The following GALNT2 variants were observed in gnomAD, a reference collection of about 807,000 sequenced individuals.
GALNT2 encodes UDP-GalNAc:polypeptide N-acetylgalactosaminyltransferase 2.
GALNT2 carries 31 observed loss-of-function variants against 81.4 expected under a neutral mutation model. The ratio of observed to expected loss-of-function variants is 0.38; its 90% CI spans 0.29 to 0.51. The LOEUF (loss-of-function observed/expected upper bound fraction) is 0.51, where lower values mean the gene tolerates loss of function less well. Ranked by LOEUF, GALNT2 falls within the 20% of genes least tolerant of loss-of-function variation. GALNT2 has a pLI of 0.87. For missense variants in GALNT2, 629 were observed against 765.7 expected (o/e 0.82, Z 2.11); for synonymous variants, 303 against 287.4 (o/e 1.05, Z -0.55).
At chr1:230,247,502 A>C (rs1665410479) in intron 8 of GALNT2, among the ~76,000 whole-genome samples, 1 of 152,208 alleles carries the variant, frequency 6.6e-6, no homozygotes, top group South Asian at 2.1e-4. Flanking sequence ...GGGAAACATA[A>C]CATTCAGGAA....
At chr1:230,083,406 C>T (rs550692739) in intron 1 of GALNT2, among the ~76,000 whole-genome samples, 11 of 140,626 alleles carry the variant, frequency 7.8e-5, no homozygotes, top group Admixed American at 3.6e-4. Flanking sequence ...GAGCAGGGAG[C>T]GGGATGATGG....
chr1:230,058,450 A>G (rs899707046), intron 1 of GALNT2, among the ~76,000 whole-genome samples: 2 of 152,096 alleles, frequency 1.3e-5, no homozygotes, highest in African/African-American at 4.8e-5. Flanking sequence ...GTCCTGCCTA[A>G]TGGGAAGATT....
At chr1:230,112,386 G>GC (rs941676098) in intron 1 of GALNT2, among the ~76,000 whole-genome samples, 1 of 151,140 alleles carries the variant, frequency 6.6e-6, no homozygotes, top group African/African-American at 2.4e-5. Context: ...CCGGGGGAGG[G>GC]GGGGGGCCTG....
chr1:230,058,057 C>G (rs751902548), exon 1 of GALNT2: 5 of 456,112 alleles, frequency 1.1e-5, no homozygotes, highest in Admixed American at 2.3e-5. Flanking sequence ...GCAAGGTGCC[C>G]GTAGCCCCTA....
At chr1:230,119,738 G>A (rs1365416150) in intron 1 of GALNT2, among the ~76,000 whole-genome samples, 2 of 152,112 alleles carry the variant, frequency 1.3e-5, no homozygotes, top group African/African-American at 2.4e-5. Context: ...TCTAGTCAGT[G>A]GTAACCAGAT....
intron 6 of GALNT2, among the ~76,000 whole-genome samples, chr1:230,238,089 C>T (rs1432443191): frequency 1.3e-5 from 2 of 152,202 alleles, no homozygotes; most frequent in African/African-American, 4.8e-5. Context: ...CTATATGGAA[C>T]AGCTGAAGTC....
Position 230,252,051 on chromosome 1 carries a change from G to A in GALNT2, c.1009+1491G>A, listed in dbSNP as rs75035095. 8.6e-4 allele frequency among the ~76,000 whole-genome samples: 131 copies of A among 152,284 alleles called. 2 individuals carry two copies. The East Asian group carries it at 0.021, about 24-fold the overall frequency. Reference sequence around the variant, plus strand: ...GCACATCTCTGCCCAGGAAGGCTGGGGCATCTGTCCCTCCGTGAGGGGCTC... The same window carrying A: ...GCACATCTCTGCCCAGGAAGGCTGGAGCATCTGTCCCTCCGTGAGGGGCTC... On this transcript the variant is annotated intron_variant, in intron 10 of 15. Transcript: ENST00000366672.
intron 1 of GALNT2, among the ~76,000 whole-genome samples, chr1:230,109,606 T>G (rs553994071): frequency 6.6e-6 from 1 of 152,160 alleles, no homozygotes; most frequent in Non-Finnish European, 1.5e-5. Context: ...GGCAGGTGGA[T>G]CACCTGAGGT....
At chr1:230,266,751 G>C (rs1289657232) in intron 14 of GALNT2, among the ~76,000 whole-genome samples, 2 of 152,174 alleles carry the variant, frequency 1.3e-5, no homozygotes, top group African/African-American at 4.8e-5. Context: ...GCCTGGCCCT[G>C]GTTCCCCTAA....
chr1:230,244,063 TTTTC>T (rs1197353250), intron 7 of GALNT2, among the ~76,000 whole-genome samples: 1 of 151,654 alleles, frequency 6.6e-6, no homozygotes, highest in East Asian at 2.0e-4. Flanking sequence ...TTTTATTGAC[TTTTC>T]TTTCCTTCCT....
chr1:230,198,823 C>T (rs966991347), intron 2 of GALNT2, among the ~76,000 whole-genome samples: 1 of 152,180 alleles, frequency 6.6e-6, no homozygotes, highest in African/African-American at 2.4e-5. Flanking sequence ...AAAGAAATTT[C>T]CTCAAAAATA....
chr1:230,236,654 T>A lies in GALNT2; in HGVS notation c.542-6T>A. The A allele has an allele frequency of 6.2e-7, 1 of 1,608,944 alleles. No individual in the cohort carries two copies. The highest frequency in any genetic ancestry group is 8.5e-7 in the Non-Finnish European group (1 of 1,178,792). On this transcript the variant is annotated splice_polypyrimidine_tract_variant and splice_region_variant and intron_variant, in intron 5 of 15. Coordinates refer to ENST00000366672, the MANE Select transcript of GALNT2 (RefSeq NM_004481.5). ...TCAAAATGCTCTGCTTCTTTTCTTT[T>A]CCTAGCTGAGGACGGGGCTCTCTTG...
chr1:230,262,839 T>G (rs1665919979), intron 12 of GALNT2, 83 bp from the exon 13 acceptor site: 18 of 1,433,878 alleles, frequency 1.3e-5, no homozygotes, highest in Non-Finnish European at 1.7e-5. Flanking sequence ...AACCCTGTTC[T>G]CCTCAGCAGA....
upstream of GALNT2, among the ~76,000 whole-genome samples, chr1:230,064,645 C>A (rs1195915534): frequency 1.3e-5 from 2 of 152,184 alleles, no homozygotes; most frequent in East Asian, 1.9e-4. Flanking sequence ...CTCAGCCTCT[C>A]GAGTAGCTGC....
chr1:230,135,148 C>T (rs61825399), intron 1 of GALNT2, among the ~76,000 whole-genome samples: 20,989 of 151,844 alleles, frequency 0.14, 1,501 homozygotes, highest in South Asian at 0.23. Context: ...TCAGAGATGT[C>T]GGAACAGGAA....
At chr1:230,166,572 C>A (rs973102391) in intron 1 of GALNT2, among the ~76,000 whole-genome samples, 1 of 152,234 alleles carries the variant, frequency 6.6e-6, no homozygotes, top group African/African-American at 2.4e-5. Flanking sequence ...CAGTGGACTC[C>A]GGGGATTCAG....
rs750411933 is a variant in GALNT2, at chr1:230,081,900, C to T, written c.126+14494C>T. The stretch of plus-strand genomic sequence containing the variant: ...GGAGTAGCTGTGGGACATTGGCTTG[C>T]GTTTCCTTGTCTGGAAAAGAGAGTT... On this transcript the variant is annotated intron_variant, in intron 1 of 15. Transcript: ENST00000366672. Among the ~76,000 whole-genome samples the T allele has an allele frequency of 8.5e-5, 13 of 152,162 alleles. No individual in the cohort carries two copies. The South Asian group carries it at 2.3e-3, about 27-fold the overall frequency.
intron 15 of GALNT2, among the ~76,000 whole-genome samples, chr1:230,277,437 T>C (rs1323863346): frequency 1.3e-5 from 2 of 152,232 alleles, no homozygotes; most frequent in Admixed American, 6.5e-5. Flanking sequence ...CCGAATTCTT[T>C]GTTGAGAAGA....
At chr1:230,082,519 C>T (rs1419532363) in intron 1 of GALNT2, among the ~76,000 whole-genome samples, 1 of 152,254 alleles carries the variant, frequency 6.6e-6, no homozygotes, top group Admixed American at 6.5e-5. Flanking sequence ...GCCATTCCTC[C>T]TGCAGCCGAC....
Sources: allele counts gnomAD v4.1 joint callset (sites outside exome capture counted in the v4.1 genomes callset), GRCh38; gene constraint gnomAD v4.1.1; transcripts MANE v1.5; gene names NCBI Gene and HGNC (gene_info 2026-07-23, HGNC 2026-07-21).